The following CEMIP variants were observed in gnomAD, a reference collection of about 807,000 sequenced individuals.
CEMIP encodes the protein cell migration-inducing and hyaluronan-binding protein.
Under a neutral mutation model 156.9 loss-of-function variants are expected in CEMIP, and 105 were observed. The observed-to-expected ratio is 0.67, with a 90% CI of 0.57 to 0.79. CEMIP has a LOEUF of 0.79. Among genes scored for constraint, CEMIP ranks in the 30% least tolerant of loss-of-function variants. The pLI is 0.00. For synonymous variants in CEMIP, 676 were observed against 668.4 expected, an observed-to-expected ratio of 1.01 and a Z score of -0.17; for missense variants, 1,457 against 1,769.4, an observed-to-expected ratio of 0.82 and a Z score of 3.17.
chr15:80,862,252 G>A (rs1456203588), intron 1 of CEMIP, among the ~76,000 whole-genome samples: 1 of 152,162 alleles, frequency 6.6e-6, no homozygotes, highest in Admixed American at 6.5e-5. Context: ...TTGGGCTGGT[G>A]GAATTTAAAC....
chr15:80,800,071 T>C (rs55977687), intron 1 of CEMIP, among the ~76,000 whole-genome samples: 65,200 of 120,196 alleles, frequency 0.54, 15,936 homozygotes, highest in East Asian at 0.71. Flanking sequence ...GTAGACGGGA[T>C]CTCATCATCT....
At chr15:80,786,556 CTGTGTGTGTGTGTG>C (rs3048927) in intron 1 of CEMIP, among the ~76,000 whole-genome samples, 2 of 140,626 alleles carry the variant, frequency 1.4e-5, no homozygotes, top group South Asian at 2.4e-4. Flanking sequence ...GGATGTCTTG[CTGTGTGTGTGTGTG>C]TGTGTGTGTG....
Position 80,801,728 on chromosome 15 carries a change from C to A in CEMIP, c.-176+22114C>A, listed in dbSNP as rs575253216. ...CACCCACCTTTGATAGAGGTACTTA[C>A]TCTGTAGTACAATTGGCCTTCCATA... On this transcript the variant is annotated intron_variant, in intron 1 of 29. Coordinates refer to ENST00000394685, the MANE Select transcript of CEMIP (RefSeq NM_001293298.2). Among the ~76,000 whole-genome samples, 54 of 152,338 alleles carry A rather than the reference C, an allele frequency of 3.5e-4. No homozygotes were observed. In the South Asian group the frequency reaches 6.8e-3, roughly 19 times the overall value.
intron 1 of CEMIP, among the ~76,000 whole-genome samples, chr15:80,837,471 C>T (rs1897294525): frequency 6.6e-6 from 1 of 152,122 alleles, no homozygotes; most frequent in Non-Finnish European, 1.5e-5. Flanking sequence ...TCATGTCTGT[C>T]CTCACAACAC....
chr15:80,796,226 G>A (rs991744152), intron 1 of CEMIP, among the ~76,000 whole-genome samples: 5 of 152,060 alleles, frequency 3.3e-5, no homozygotes, highest in African/African-American at 4.8e-5. Flanking sequence ...CTCCTGTGTC[G>A]GCCTCCCGAG....
chr15:80,922,056 C>A lies in CEMIP; in HGVS notation c.2121C>A (p.Ser707=). 3.7e-6 allele frequency: 6 copies of A among 1,614,254 alleles called. No individual in the cohort carries two copies. The highest frequency in any genetic ancestry group is 4.2e-6 in the Non-Finnish European group (5 of 1,180,044). Residue 707 remains serine (S), a synonymous_variant, in exon 17 of 30, where the codon TCC becomes TCA. Transcript: ENST00000394685. ...FIFHHVPTGP[S]VGMYSPGYSE... ...TTCACCACGTACCAACGGGCCCCTC[C>A]GTGGGAATGTACTCCCCAGGTTATT... is the stretch of plus-strand genomic sequence containing the variant.
At chr15:80,854,322 C>A (rs528457991) in intron 1 of CEMIP, among the ~76,000 whole-genome samples, 1 of 152,242 alleles carries the variant, frequency 6.6e-6, no homozygotes, top group Non-Finnish European at 1.5e-5. Flanking sequence ...CTTCTCCCTG[C>A]CTGGCAACTT....
intron 1 of CEMIP, among the ~76,000 whole-genome samples, chr15:80,838,553 GAT>G (rs1897316642): frequency 6.6e-6 from 1 of 151,962 alleles, no homozygotes; most frequent in Non-Finnish European, 1.5e-5. Context: ...GAAGTTCCCA[GAT>G]ATGTCATCAG....
chr15:80,822,797 C>T (rs1896941279), intron 1 of CEMIP, among the ~76,000 whole-genome samples: 1 of 152,198 alleles, frequency 6.6e-6, no homozygotes, highest in Non-Finnish European at 1.5e-5. Flanking sequence ...TTGAGAGTGT[C>T]CCTCTCCCCA....
chr15:80,844,266 G>T (rs1382984854), intron 1 of CEMIP, among the ~76,000 whole-genome samples: 1 of 152,230 alleles, frequency 6.6e-6, no homozygotes, highest in South Asian at 2.1e-4. Context: ...ATGAGCTGCA[G>T]CTGCCTCGGG....
chr15:80,797,032 C>G (rs992458301), intron 1 of CEMIP, among the ~76,000 whole-genome samples: 6 of 151,998 alleles, frequency 3.9e-5, no homozygotes. Context: ...AAGGATGAAG[C>G]TGGATGTGGA....
At chr15:80,843,873 G>C (rs1166620994) in intron 1 of CEMIP, among the ~76,000 whole-genome samples, 2 of 152,182 alleles carry the variant, frequency 1.3e-5, no homozygotes, top group Non-Finnish European at 2.9e-5. Context: ...GATCCTGGTG[G>C]CATGGCACTT....
At chr15:80,793,129 G>C (rs756399554) in intron 1 of CEMIP, among the ~76,000 whole-genome samples, 1 of 152,188 alleles carries the variant, frequency 6.6e-6, no homozygotes, top group African/African-American at 2.4e-5. Context: ...CGTTGGAGCT[G>C]CAGGTTTTGA....
chr15:80,781,451 A>G lies in CEMIP; in HGVS notation c.-176+1837A>G, dbSNP rs537834856. Among the ~76,000 whole-genome samples, 24 of 152,320 alleles carry G rather than the reference A, an allele frequency of 1.6e-4. No homozygotes were observed. The East Asian group carries it at 4.6e-3, about 29-fold the overall frequency. ...AAGTTGGTCACTTGAAACAGGGTGG[A>G]AAAACCTGTAGGGTTTAATCTGTGC... On this transcript the variant is annotated intron_variant, in intron 1 of 29. Transcript: ENST00000394685.
Position 80,884,333 on chromosome 15 carries a change from A to C in CEMIP, c.776A>C (p.His259Pro), listed in dbSNP as rs1413559370. ...GCGATGACCAAATTGGGAAGCAAACACTTCCTGCACCTTGGATTTAGGTAC... is the reference window on the plus strand; with the variant it reads ...GCGATGACCAAATTGGGAAGCAAACCCTTCCTGCACCTTGGATTTAGGTAC... ...RKAMTKLGSKHFLHLGFRHPW... is the reference protein window; with the variant it reads ...RKAMTKLGSKPFLHLGFRHPW... Residue 259 changes from histidine (H) to proline (P), a missense_variant, in exon 7 of 30, where the codon CAC becomes CCC. His to Pro is a moderately conservative substitution (Grantham distance 77). This residue lies in a region of CEMIP where 309 missense variants were observed against 340.8 expected (regional missense o/e 0.91). Coordinates refer to ENST00000394685, the MANE Select transcript of CEMIP (RefSeq NM_001293298.2). 6.2e-7 allele frequency: 1 copy of C among 1,614,208 alleles called. No homozygotes were observed. Among genetic ancestry groups the C allele is most frequent in the Non-Finnish European group, 8.5e-7 (1 of 1,180,034 alleles).
At chr15:80,900,648 G>GTGTGTGTGTGTGTGTGTGTC (rs1567090991) in intron 12 of CEMIP, among the ~76,000 whole-genome samples, 2 of 111,854 alleles carry the variant, frequency 1.8e-5, no homozygotes, top group African/African-American at 6.6e-5. Flanking sequence ...GTGTGTGTGT[G>GTGTGTGTGTGTGTGTGTGTC]TCTGTGTGTG....
chr15:80,850,312 T>C (rs560600857), intron 1 of CEMIP, among the ~76,000 whole-genome samples: 70 of 152,316 alleles, frequency 4.6e-4, no homozygotes, highest in African/African-American at 1.7e-3. Flanking sequence ...AGTCCCACTC[T>C]GTCGCCTAGG....
At chr15:80,832,436 A>T (rs1350314621) in intron 1 of CEMIP, among the ~76,000 whole-genome samples, 1 of 151,448 alleles carries the variant, frequency 6.6e-6, no homozygotes, top group African/African-American at 2.4e-5. Context: ...TTGGTCCAAA[A>T]GTTGGTCAAA....
At chr15:80,830,184 C>G (rs1020847936) in intron 1 of CEMIP, among the ~76,000 whole-genome samples, 22 of 152,150 alleles carry the variant, frequency 1.4e-4, no homozygotes, top group African/African-American at 5.1e-4. Flanking sequence ...TACATCCGCC[C>G]ATAAACTTCC....
Sources: allele counts gnomAD v4.1 joint callset (sites outside exome capture counted in the v4.1 genomes callset), GRCh38; gene constraint gnomAD v4.1.1; regional missense constraint gnomAD v4.1.1; transcripts MANE v1.5; gene names NCBI Gene and HGNC (gene_info 2026-07-23, HGNC 2026-07-21).